The following ZFR variants were observed in gnomAD, a reference collection of about 807,000 sequenced individuals.
ZFR encodes the protein zinc finger RNA binding protein, also known as zinc finger RNA-binding protein.
A neutral mutation model predicts 130.7 loss-of-function variants in ZFR; 19 were observed. That is an observed-to-expected ratio of 0.15 (90% confidence interval 0.10 to 0.21). The LOEUF is 0.21. ZFR is among the 10% of genes least tolerant of loss of function. The pLI, the probability that ZFR is intolerant of heterozygous loss-of-function variation, is 1.00. For missense variants in ZFR, 872 were observed against 1,321.5 expected, an observed-to-expected ratio of 0.66 and a Z score of 5.27; for synonymous variants, 466 against 456.9, an observed-to-expected ratio of 1.02 and a Z score of -0.25.
intron 2 of ZFR, among the ~76,000 whole-genome samples, chr5:32,435,915 T>G (rs1398913823): frequency 6.6e-6 from 1 of 152,196 alleles, no homozygotes; most frequent in Admixed American, 6.5e-5. Context: ...TATTTTTTTC[T>G]GTAGCTCCAA....
At chr5:32,421,066 A>G (rs900875293) in intron 2 of ZFR, among the ~76,000 whole-genome samples, 6 of 152,236 alleles carry the variant, frequency 3.9e-5, no homozygotes, top group African/African-American at 1.4e-4. Context: ...TTACAGGAAT[A>G]TGTTTATTTT....
In ZFR at chr5:32,354,711, GAGA is replaced by G. The variant is rs1205892998; in HGVS notation, c.*1046_*1048del. ...AATTATCTGGGTGATGGGGTGTGTGGAGAAGATCATCTGTGTTATACTGTAATA... is the reference window on the plus strand; with the variant it reads ...AATTATCTGGGTGATGGGGTGTGTGGAGATCATCTGTGTTATACTGTAATA... On this transcript the variant is annotated 3_prime_UTR_variant, in exon 20 of 20. Coordinates refer to ENST00000265069, the MANE Select transcript of ZFR (RefSeq NM_016107.5). 6.6e-6 allele frequency: 1 copy of G among 152,632 alleles called. No homozygotes were observed. Among genetic ancestry groups the G allele is most frequent in the African/African-American group, 2.4e-5 (1 of 41,514 alleles). The allele number at this position is 152,632 out of a possible 1,614,324, so 9.5% of individuals were successfully genotyped here. A position where few individuals can be genotyped will look rare whatever the true frequency, so the allele number is the denominator to read the frequency against.
Position 32,354,446 on chromosome 5 carries a change from T to C in ZFR, c.*1314A>G, listed in dbSNP as rs1752262273. ...CATATAATACATTTAAGTCATTATA[T>C]GAATTTCATTTTTTGTGTATTTCAC... On this transcript the variant is annotated 3_prime_UTR_variant, in exon 20 of 20. Transcript: ENST00000265069. The C allele has an allele frequency of 6.5e-6, 1 of 152,684 alleles. No homozygotes were observed. The highest frequency in any genetic ancestry group is 2.4e-5 in the African/African-American group (1 of 41,468). The allele number at this position is 152,684 out of a possible 1,614,324, so 9.5% of individuals were successfully genotyped here. A position where few individuals can be genotyped will look rare whatever the true frequency, so the allele number is the denominator to read the frequency against.
At chr5:32,422,798 C>CAAAAAAAAAAAAAAAA (rs10693151) in intron 2 of ZFR, among the ~76,000 whole-genome samples, 2 of 24,006 alleles carry the variant, frequency 8.3e-5, no homozygotes, top group African/African-American at 3.0e-4. Context: ...AAACCTGTCT[C>CAAAAAAAAAAAAAAAA]AAAAAAAAAA....
chr5:32,381,809 T>C (rs1174637021), intron 15 of ZFR, among the ~76,000 whole-genome samples: 1 of 152,154 alleles, frequency 6.6e-6, no homozygotes, highest in Non-Finnish European at 1.5e-5. Context: ...CAAGGAAAAC[T>C]GTGTGACATT....
At chr5:32,407,765 C>T (rs1753607866) in intron 5 of ZFR, among the ~76,000 whole-genome samples, 1 of 152,094 alleles carries the variant, frequency 6.6e-6, no homozygotes, top group South Asian at 2.1e-4. Flanking sequence ...TGAATTCTAC[C>T]CATTTCCATT....
At chr5:32,431,703 T>C (rs927514906) in intron 2 of ZFR, among the ~76,000 whole-genome samples, 8 of 151,704 alleles carry the variant, frequency 5.3e-5, no homozygotes, top group Admixed American at 1.3e-4. Flanking sequence ...CTAGGACAAA[T>C]TGTGGCATTT....
chr5:32,356,465 T>C (rs1437639597), intron 19 of ZFR, among the ~76,000 whole-genome samples: 1 of 152,176 alleles, frequency 6.6e-6, no homozygotes, highest in Non-Finnish European at 1.5e-5. Context: ...CAGGCTGGAG[T>C]GCAGTGGTGC....
At position 32,397,315 on chromosome 5, in the gene ZFR, T is replaced by C; in HGVS notation, c.1737A>G (p.Val579=). Residue 579 remains valine, a synonymous_variant, in exon 10 of 20, where the codon GTA becomes GTG. Transcript: ENST00000265069. ...VEEVRNDEGK[V]IRFHCKLCEC... Reference sequence around the variant, plus strand: ...CGCATAATTTACAATGGAACCGAATTACTTTTCCTTCATCATTTCGTACCT... The same window carrying C: ...CGCATAATTTACAATGGAACCGAATCACTTTTCCTTCATCATTTCGTACCT... The C allele has an allele frequency of 1.2e-6, 2 of 1,613,170 alleles. No individual in the cohort carries two copies. The highest frequency in any genetic ancestry group is 1.7e-6 in the Non-Finnish European group (2 of 1,179,588).
Position 32,438,253 on chromosome 5 carries a change from A to ATTTTTTTTTTTTTTTT in ZFR, c.137+5960_137+5975dup, listed in dbSNP as rs869249272. On this transcript the variant is annotated intron_variant, in intron 2 of 19. Coordinates refer to ENST00000265069, the MANE Select transcript of ZFR (RefSeq NM_016107.5). ...AGAATGCTACTGATTTTATCTGAAA[A>ATTTTTTTTTTTTTTTT]TTTTTTTTTTTTTTTTTTTTTTTTT... Among the ~76,000 whole-genome samples, 150 of 61,048 alleles carry ATTTTTTTTTTTTTTTT rather than the reference A, an allele frequency of 2.5e-3. 25 individuals carry two copies. Among genetic ancestry groups the ATTTTTTTTTTTTTTTT allele is most frequent in the African/African-American group, 3.4e-3 (48 of 13,952 alleles). The allele number at this position is 61,048 out of a possible 152,430, so 40.0% of individuals were successfully genotyped here. A position where few individuals can be genotyped will look rare whatever the true frequency, so the allele number is the denominator to read the frequency against.
chr5:32,379,461 T>A, intron 16 of ZFR: 1 of 410,304 alleles, frequency 2.4e-6, no homozygotes, highest in Admixed American at 4.3e-5. Context: ...CCTGTGAACC[T>A]TGACCTGTGT....
At chr5:32,364,480 C>T in intron 17 of ZFR, 1 of 272,694 alleles carries the variant, frequency 3.7e-6, no homozygotes, top group Non-Finnish European at 6.9e-6. Flanking sequence ...CGTCTGTAAT[C>T]CAAACACTTT....
chr5:32,436,077 T>C (rs1462868623), intron 2 of ZFR, among the ~76,000 whole-genome samples: 1 of 151,914 alleles, frequency 6.6e-6, no homozygotes, highest in African/African-American at 2.4e-5. Context: ...CCTGGCTCTC[T>C]GTTCACACAG....
intron 15 of ZFR, among the ~76,000 whole-genome samples, chr5:32,381,693 A>G (rs1032620302): frequency 2.0e-5 from 3 of 152,158 alleles, no homozygotes; most frequent in Non-Finnish European, 4.4e-5. Context: ...TGAAACTGAT[A>G]GAGAATTCTA....
chr5:32,399,517 T>C (rs1753396386), intron 9 of ZFR, among the ~76,000 whole-genome samples: 1 of 152,214 alleles, frequency 6.6e-6, no homozygotes, highest in African/African-American at 2.4e-5. Context: ...CTGATATCCC[T>C]TCACTCCTTT....
rs1238891805 is a variant in ZFR, at chr5:32,395,321, G to A, written c.1834-17C>T. 1.3e-6 allele frequency: 2 copies of A among 1,516,156 alleles called. No homozygotes were observed. The highest frequency in any genetic ancestry group is 2.2e-5 in the Admixed American group (1 of 45,200). 93.9% of individuals were successfully genotyped at this position (1,516,156 alleles called of 1,614,324 possible). The stretch of plus-strand genomic sequence containing the variant: ...TACTTTTTTCTATTAATATAAATAA[G>A]ACATTTAAAAAACAGCAGCCCCAAA... On this transcript the variant is annotated splice_polypyrimidine_tract_variant and intron_variant, in intron 10 of 19. Transcript: ENST00000265069.
chr5:32,404,936 ACTCCTGAGTAGCTGGGAC>A, intron 6 of ZFR, among the ~76,000 whole-genome samples: 1 of 151,594 alleles, frequency 6.6e-6, no homozygotes, highest in Non-Finnish European at 1.5e-5. Context: ...CCCACCTTAG[ACTCCTGAGTAGCTGGGAC>A]CACAGGTGCC....
intron 2 of ZFR, among the ~76,000 whole-genome samples, chr5:32,436,022 T>G (rs1336090886): frequency 1.3e-5 from 2 of 152,200 alleles, no homozygotes; most frequent in African/African-American, 4.8e-5. Flanking sequence ...ACTCTAAAGC[T>G]GACGACCTTG....
At chr5:32,441,634 TA>T (rs1221420566) in intron 2 of ZFR, among the ~76,000 whole-genome samples, 1 of 152,228 alleles carries the variant, frequency 6.6e-6, no homozygotes, top group Non-Finnish European at 1.5e-5. Flanking sequence ...CTTCCATCTC[TA>T]AAAGTTCCAT....
Sources: allele counts gnomAD v4.1 joint callset (sites outside exome capture counted in the v4.1 genomes callset), GRCh38; gene constraint gnomAD v4.1.1; transcripts MANE v1.5; gene names NCBI Gene and HGNC (gene_info 2026-07-23, HGNC 2026-07-21).